The following PDE4D variants were observed in gnomAD, a reference collection of about 807,000 sequenced individuals.
PDE4D encodes 3',5'-cyclic-AMP phosphodiesterase 4D.
Under a neutral mutation model 87.4 loss-of-function variants are expected in PDE4D, and 24 were observed. The observed-to-expected ratio is 0.27, with a 90% CI of 0.20 to 0.39. The LOEUF (loss-of-function observed/expected upper bound fraction) is 0.39, where lower values mean the gene tolerates loss of function less well. Among genes scored for constraint, PDE4D ranks in the 10% least tolerant of loss-of-function variants. PDE4D has a pLI of 1.00. For missense variants in PDE4D, 714 were observed against 1,041.0 expected (o/e 0.69, Z 4.32); for synonymous variants, 384 against 383.2 (o/e 1.00, Z -0.02).
Position 60,100,955 on chromosome 5 carries a change from T to A in PDE4D, c.42+84602A>T, listed in dbSNP as rs566330592. Among the ~76,000 whole-genome samples, 12 of 152,208 alleles carry A rather than the reference T, an allele frequency of 7.9e-5. No homozygotes were observed. The South Asian group carries it at 2.5e-3, about 32-fold the overall frequency. ...TGGATTTTGCAAAAGGTAATTGGAATTAACAGCTTTTTGTGATTTGGAGCT... is the reference window on the plus strand; with the variant it reads ...TGGATTTTGCAAAAGGTAATTGGAAATAACAGCTTTTTGTGATTTGGAGCT... On this transcript the variant is annotated intron_variant, in intron 2 of 16. Transcript: ENST00000502484.
intron 1 of PDE4D, among the ~76,000 whole-genome samples, chr5:59,717,660 G>C (rs1287190906): frequency 1.3e-5 from 2 of 152,166 alleles, no homozygotes; most frequent in Admixed American, 6.5e-5. Context: ...CACTGTGCTG[G>C]CTTCATTACG....
intron 1 of PDE4D, among the ~76,000 whole-genome samples, chr5:60,469,027 A>AAAGTT (rs1747613649): frequency 6.6e-6 from 1 of 152,088 alleles, no homozygotes; most frequent in South Asian, 2.1e-4. Context: ...TGTTTCTTTC[A>AAAGTT]AAGTTTTCCT....
chr5:60,215,353 C>T (rs1743741546), intron 1 of PDE4D, among the ~76,000 whole-genome samples: 1 of 152,092 alleles, frequency 6.6e-6, no homozygotes, highest in African/African-American at 2.4e-5. Flanking sequence ...GGATAAAAAA[C>T]TATCCTTGTG....
At position 59,235,063 on chromosome 5, in the gene PDE4D, T is replaced by A. The variant is rs537055636; in HGVS notation, c.456-19095A>T. Among the ~76,000 whole-genome samples the A allele has an allele frequency of 5.3e-5, 8 of 152,234 alleles. No individual in the cohort carries two copies. In the East Asian group the frequency reaches 1.5e-3, roughly 29 times the overall value. On this transcript the variant is annotated intron_variant, in intron 1 of 14. Coordinates refer to ENST00000340635, the MANE Select transcript of PDE4D (RefSeq NM_001104631.2). ...GAGGAAAAATAAAATCCAAACCACA[T>A]CTATGCTTATTCTGCTCTTGGCTTC... is the stretch of plus-strand genomic sequence containing the variant.
intron 5 of PDE4D, among the ~76,000 whole-genome samples, chr5:59,136,518 C>T (rs1473959909): frequency 6.6e-6 from 1 of 152,092 alleles, no homozygotes; most frequent in African/African-American, 2.4e-5. Flanking sequence ...GGTTTTTAGA[C>T]ATAACATAAT....
In PDE4D at chr5:58,990,908, G is replaced by GT; in HGVS notation, c.1189-7dup. On this transcript the variant is annotated splice_polypyrimidine_tract_variant and splice_region_variant and intron_variant, in intron 8 of 14. Transcript: ENST00000340635. ...TTGTTCACATCTTCTAGTTCCTGGA[G>GT]TGAAAAAAAAAAAAAGATACTAAAA... 7 of 1,361,718 alleles carry GT rather than the reference G, an allele frequency of 5.1e-6. No homozygotes were observed. The highest frequency in any genetic ancestry group is 7.1e-6 in the Non-Finnish European group (7 of 985,446). The allele number at this position is 1,361,718 out of a possible 1,614,324, so 84.4% of individuals were successfully genotyped here.
intron 5 of PDE4D, among the ~76,000 whole-genome samples, chr5:59,122,840 T>C (rs1330157952): frequency 6.6e-6 from 1 of 152,194 alleles, no homozygotes; most frequent in African/African-American, 2.4e-5. Context: ...AGAAGTTCTT[T>C]TCTCAAGACC....
chr5:59,504,434 C>T (rs1808866273), intron 1 of PDE4D, among the ~76,000 whole-genome samples: 1 of 152,192 alleles, frequency 6.6e-6, no homozygotes, highest in East Asian at 1.9e-4. Context: ...TTAAATTTGG[C>T]TAACTAGTAT....
intron 1 of PDE4D, among the ~76,000 whole-genome samples, chr5:59,473,246 T>C (rs1802757406): frequency 6.6e-6 from 1 of 152,146 alleles, no homozygotes; most frequent in Non-Finnish European, 1.5e-5. Context: ...ACTATACTAA[T>C]GCCTCTCAAA....
intron 3 of PDE4D, among the ~76,000 whole-genome samples, chr5:59,950,126 T>C (rs1483758613): frequency 6.6e-6 from 1 of 152,204 alleles, no homozygotes; most frequent in African/African-American, 2.4e-5. Context: ...TTTACATTTT[T>C]GGTACTTCAT....
intron 6 of PDE4D, among the ~76,000 whole-genome samples, chr5:59,015,262 A>C (rs1753738384): frequency 6.6e-6 from 1 of 151,972 alleles, no homozygotes; most frequent in Non-Finnish European, 1.5e-5. Flanking sequence ...CAAGAGCCAA[A>C]ATTGACAAAT....
chr5:60,275,481 C>G (rs1292156771), intron 1 of PDE4D, among the ~76,000 whole-genome samples: 1 of 151,980 alleles, frequency 6.6e-6, no homozygotes, highest in Admixed American at 6.5e-5. Flanking sequence ...CCACAAGTAA[C>G]CATTATCTTA....
intron 5 of PDE4D, among the ~76,000 whole-genome samples, chr5:59,087,402 T>C (rs1225896458): frequency 1.3e-5 from 2 of 151,984 alleles, no homozygotes; most frequent in African/African-American, 4.8e-5. Context: ...AGGAGGATCG[T>C]TTGAGCCTGG....
chr5:59,787,463 C>T (rs564700409), intron 1 of PDE4D, among the ~76,000 whole-genome samples: 3 of 152,192 alleles, frequency 2.0e-5, no homozygotes, highest in Non-Finnish European at 4.4e-5. Context: ...CCCTTTGTCA[C>T]TTGTATTCAC....
chr5:59,232,868 T>TA (rs915425427), intron 1 of PDE4D, among the ~76,000 whole-genome samples: 2 of 151,674 alleles, frequency 1.3e-5, no homozygotes, highest in Non-Finnish European at 2.9e-5. Flanking sequence ...TATGCAGTCA[T>TA]AAAAAGAGCA....
At chr5:60,014,836 G>A (rs1001467415) in intron 2 of PDE4D, among the ~76,000 whole-genome samples, 13 of 152,182 alleles carry the variant, frequency 8.5e-5, no homozygotes, top group Admixed American at 3.3e-4. Flanking sequence ...CTCCGTTTGC[G>A]AATGAGGGCC....
intron 1 of PDE4D, among the ~76,000 whole-genome samples, chr5:59,655,038 CTT>C (rs1413028816): frequency 1.2e-4 from 18 of 151,518 alleles, no homozygotes; most frequent in African/African-American, 4.4e-4. Context: ...ATTTTCAATT[CTT>C]TTGGGTATAT....
chr5:59,647,940 C>A (rs1183378898), intron 1 of PDE4D, among the ~76,000 whole-genome samples: 1 of 152,044 alleles, frequency 6.6e-6, no homozygotes, highest in African/African-American at 2.4e-5. Context: ...AGAATCACTA[C>A]ACTGTAATAG....
chr5:59,749,068 C>T (rs932523994), intron 1 of PDE4D, among the ~76,000 whole-genome samples: 2 of 152,160 alleles, frequency 1.3e-5, no homozygotes, highest in Non-Finnish European at 2.9e-5. Flanking sequence ...ATAATAAATG[C>T]TTGTTGGTTT....
Sources: allele counts gnomAD v4.1 joint callset (sites outside exome capture counted in the v4.1 genomes callset), GRCh38; gene constraint gnomAD v4.1.1; transcripts MANE v1.5; gene names NCBI Gene and HGNC (gene_info 2026-07-23, HGNC 2026-07-21).